Variants in WDR62 observed in about 807,000 individuals in gnomAD.
The protein encoded by WDR62 is WD repeat-containing protein 62.
Under a neutral mutation model 160.6 loss-of-function variants are expected in WDR62, and 112 were observed. The ratio of observed to expected loss-of-function variants is 0.70; its 90% confidence interval spans 0.60 to 0.82. WDR62 has a LOEUF of 0.82. Among genes scored for constraint, WDR62 ranks in the 40% least tolerant of loss-of-function variants. WDR62 has a pLI of 0.00. For synonymous variants in WDR62, 792 were observed against 815.1 expected (o/e 0.97, Z 0.48); for missense variants, 1,819 against 1,983.8 (o/e 0.92, Z 1.58).
At chr19:36,109,750 C>T (rs374798909), downstream of WDR62, among the ~76,000 whole-genome samples, 1 of 141,496 alleles carries the variant, frequency 7.1e-6, no homozygotes, top group African/African-American at 2.7e-5. Flanking sequence ...CAAAACAAAA[C>T]AAAACAAAAA....
intron 12 of WDR62, among the ~76,000 whole-genome samples, chr19:36,086,223 A>G (rs1241295756): frequency 6.6e-6 from 1 of 152,030 alleles, no homozygotes; most frequent in Non-Finnish European, 1.5e-5. Context: ...ATAGCAAGTG[A>G]CCAGAGTAGG....
At chr19:36,110,941 C>T in the WDR62 span, among the ~76,000 whole-genome samples, 398 of 152,206 alleles carry the variant, frequency 2.6e-3, 1 homozygote, top group African/African-American at 8.8e-3. Context: ...CCTTGCCTGG[C>T]TCTGCTTGGT....
At chr19:36,063,216 T>G (rs1000402134) in intron 3 of WDR62, among the ~76,000 whole-genome samples, 1 of 152,022 alleles carries the variant, frequency 6.6e-6, no homozygotes. Flanking sequence ...GTGCTGGGAT[T>G]ACAGGCGTGA....
intron 1 of WDR62, among the ~76,000 whole-genome samples, chr19:36,058,222 T>A (rs1204595803): frequency 6.6e-6 from 1 of 152,086 alleles, no homozygotes; most frequent in African/African-American, 2.4e-5. Flanking sequence ...CATGGTGGCA[T>A]GTGCCTGTAA....
At position 36,086,477 on chromosome 19, in the gene WDR62, G is replaced by A. The variant is rs186057485; in HGVS notation, c.1643-210G>A. Among the ~76,000 whole-genome samples the A allele has an allele frequency of 2.6e-5, 4 of 152,266 alleles. No homozygotes were observed. In the East Asian group the frequency reaches 7.8e-4, roughly 30 times the overall value. On this transcript the variant is annotated intron_variant, in intron 12 of 31. Transcript: ENST00000401500. ...GACTCATCCTCCCTGAGCTGGTGGT[G>A]AGGAGGTGAAATGCCAGGGTGTGGG... is the stretch of plus-strand genomic sequence containing the variant.
chr19:36,078,534 A>T (rs1412637142), intron 9 of WDR62, among the ~76,000 whole-genome samples: 1 of 151,506 alleles, frequency 6.6e-6, no homozygotes, highest in East Asian at 1.9e-4. Flanking sequence ...AATATCTTTT[A>T]CCTTCTTTTG....
chr19:36,073,659 AGG>A, intron 9 of WDR62, 128 bp downstream of exon 9: 1 of 800,376 alleles, frequency 1.2e-6, no homozygotes, highest in South Asian at 1.5e-5. Flanking sequence ...GCCCTGTCCT[AGG>A]TGCTGAGGAC....
chr19:36,067,410 G>A lies in WDR62; in HGVS notation c.666G>A (p.Arg222=). The A allele has an allele frequency of 6.2e-7, 1 of 1,614,244 alleles. No homozygotes were observed. Among genetic ancestry groups the A allele is most frequent in the Non-Finnish European group, 8.5e-7 (1 of 1,180,044 alleles). The change falls in exon 6 of 32, where the codon AGG becomes AGA. Residue 222 remains arginine, a synonymous_variant. Coordinates refer to ENST00000401500, the MANE Select transcript of WDR62 (RefSeq NM_001083961.2). ...YFVTVGNRHV[R]FWFLEVSTET... ...TCACTGTTGGGAACCGCCATGTGAG[G>A]TTCTGGTTCTTGGAAGTCTCCACTG...
chr19:36,074,380 C>A (rs1484817055), intron 9 of WDR62: 1 of 152,594 alleles, frequency 6.6e-6, no homozygotes, highest in Non-Finnish European at 1.5e-5. Flanking sequence ...CTAAAGTTAA[C>A]CAGGCACAGT....
chr19:36,093,851 TGTG>T (rs1454139864), intron 19 of WDR62, among the ~76,000 whole-genome samples, 177 bp from the exon 20 acceptor site: 1 of 152,174 alleles, frequency 6.6e-6, no homozygotes, highest in Non-Finnish European at 1.5e-5. Flanking sequence ...TCTCATCTAT[TGTG>T]GTGATGTGTT....
Position 36,102,733 on chromosome 19 carries a change from C to T in WDR62, c.3221-4C>T, listed in dbSNP as rs1417663016. Reference sequence around the variant, plus strand: ...ATGAGGGTCCCCTCGGGATCTTCCCCTAGAGCTCTTCCCCGCAGCTCTGGG... The same window carrying T: ...ATGAGGGTCCCCTCGGGATCTTCCCTTAGAGCTCTTCCCCGCAGCTCTGGG... On this transcript the variant is annotated splice_region_variant and splice_polypyrimidine_tract_variant and intron_variant, in intron 26 of 31. Coordinates refer to ENST00000401500, the MANE Select transcript of WDR62 (RefSeq NM_001083961.2). 16 of 1,613,872 alleles carry T rather than the reference C, an allele frequency of 9.9e-6. No homozygotes were observed. Among genetic ancestry groups the T allele is most frequent in the East Asian group, 2.2e-5 (1 of 44,892 alleles).
At chr19:36,067,086 C>G (rs979105173) in intron 5 of WDR62, among the ~76,000 whole-genome samples, 8 of 152,204 alleles carry the variant, frequency 5.3e-5, no homozygotes, top group African/African-American at 1.9e-4. Context: ...CTGGAACATA[C>G]TGTCCCATGG....
Position 36,103,404 on chromosome 19 carries a change from G to C in WDR62, c.3576G>C (p.Arg1192Ser), listed in dbSNP as rs201995586. The C allele has an allele frequency of 1.9e-5, 30 of 1,614,122 alleles. No individual in the cohort carries two copies. The highest frequency in any genetic ancestry group is 6.7e-5 in the East Asian group (3 of 44,886). The part of the protein sequence containing the change: ...VPASSVLPTD[R>S]NLPTPTSAPT... ...CTTCCTCCGTGCTGCCCACAGACAGGAATCTCCCAACGCCCACATCTGCAC... is the reference window on the plus strand; with the variant it reads ...CTTCCTCCGTGCTGCCCACAGACAGCAATCTCCCAACGCCCACATCTGCAC... The change falls in exon 30 of 32, where the codon AGG becomes AGC. Residue 1192 changes from arginine (R) to serine (S), a missense_variant. Physicochemically the swap from Arg to Ser is moderately radical, Grantham distance 110. Transcript: ENST00000401500.
In WDR62 at chr19:36,084,640, G is replaced by T; in HGVS notation, c.1551-13G>T. 6.2e-7 allele frequency: 1 copy of T among 1,613,498 alleles called. No individual in the cohort carries two copies. Among genetic ancestry groups the T allele is most frequent in the Non-Finnish European group, 8.5e-7 (1 of 1,179,862 alleles). ...GGGGTGTGGGGCTTCAGCGGGCGGT[G>T]TGTGTCTCCCAGGATCCACGAGCTG... On this transcript the variant is annotated splice_polypyrimidine_tract_variant and intron_variant, in intron 11 of 31. Coordinates refer to ENST00000401500, the MANE Select transcript of WDR62 (RefSeq NM_001083961.2).
chr19:36,087,777 T>C (rs4806269), intron 13 of WDR62, among the ~76,000 whole-genome samples: 91,355 of 151,314 alleles, frequency 0.6, 27,857 homozygotes, highest in African/African-American at 0.69. Context: ...CAAAATTGTT[T>C]CACTGCACTC....
rs1354585484 is a variant in WDR62, at chr19:36,104,588, C to A, written c.4224C>A (p.Pro1408=). Reference sequence around the variant, plus strand: ...CCTGGGTGCCGGTTGAAGCCCTGCCCCCATCTCCCCTTGAGCTGAGCAGGG... The same window carrying A: ...CCTGGGTGCCGGTTGAAGCCCTGCCACCATCTCCCCTTGAGCTGAGCAGGG... ...SEPWVPVEAL[P]PSPLELSRVG... The change falls in exon 31 of 32, where the codon CCC becomes CCA. Residue 1408 remains proline, a synonymous_variant. Transcript: ENST00000401500. 5.0e-6 allele frequency: 8 copies of A among 1,613,732 alleles called. No homozygotes were observed. In the Admixed American group the frequency reaches 1.2e-4, roughly 24 times the overall value.
the WDR62 span, among the ~76,000 whole-genome samples, chr19:36,110,467 G>T: frequency 3.8e-3 from 579 of 152,060 alleles, 4 homozygotes; most frequent in African/African-American, 0.013. Context: ...GTGAAACTCC[G>T]TCTCAAAAAA....
intron 21 of WDR62, 69 bp from the exon 22 acceptor site, chr19:36,099,330 A>G: frequency 7.3e-7 from 1 of 1,361,420 alleles, no homozygotes; most frequent in South Asian, 1.2e-5. Context: ...GGCTGTGTGA[A>G]ATGTCCGTGT....
intron 3 of WDR62, among the ~76,000 whole-genome samples, chr19:36,064,396 C>T (rs1970824092): frequency 6.6e-6 from 1 of 152,078 alleles, no homozygotes. Context: ...CTGCCTCAGC[C>T]TCCCAAGTAG....
Sources: allele counts gnomAD v4.1 joint callset (sites outside exome capture counted in the v4.1 genomes callset), GRCh38; gene constraint gnomAD v4.1.1; transcripts MANE v1.5; gene names NCBI Gene and HGNC (gene_info 2026-07-23, HGNC 2026-07-21).